The following ATP11A variants were observed in gnomAD, a reference collection of about 807,000 sequenced individuals.
ATP11A encodes phospholipid-transporting ATPase IH.
A neutral mutation model predicts 154.4 loss-of-function variants in ATP11A; 81 were observed. The ratio of observed to expected loss-of-function variants is 0.52; its 90% CI spans 0.44 to 0.63. The LOEUF is 0.63. Ranked by LOEUF, ATP11A falls within the 30% of genes least tolerant of loss-of-function variation. The pLI is 0.00. For missense variants in ATP11A, 1,316 were observed against 1,474.3 expected, an observed-to-expected ratio of 0.89 and a Z score of 1.76; for synonymous variants, 623 against 585.9, an observed-to-expected ratio of 1.06 and a Z score of -0.91.
chr13:112,851,319 A>G lies in ATP11A; in HGVS notation c.1991+101A>G, dbSNP rs2140324557. On this transcript the variant is annotated intron_variant, in intron 18 of 29. Coordinates refer to ENST00000375645, the MANE Select transcript of ATP11A (RefSeq NM_015205.3). ...AGTGGACGGGAGGGAGGCCATCCGCACAGCCGACGGGGCGTGTTTGCTGCT... is the reference window on the plus strand; with the variant it reads ...AGTGGACGGGAGGGAGGCCATCCGCGCAGCCGACGGGGCGTGTTTGCTGCT... 4.2e-6 allele frequency: 5 copies of G among 1,195,852 alleles called. No homozygotes were observed. In the South Asian group the frequency reaches 7.1e-5, roughly 17 times the overall value. 74.1% of individuals were successfully genotyped at this position (1,195,852 alleles called of 1,614,324 possible).
chr13:112,860,497 G>GCAGACCT, intron 24 of ATP11A, 83 bp downstream of exon 24: 1 of 1,552,162 alleles, frequency 6.4e-7, no homozygotes, highest in Admixed American at 1.7e-5. Context: ...TAGCCACCTG[G>GCAGACCT]CAGACCTCAG....
At chr13:112,866,604 G>A (rs1277632232) in intron 25 of ATP11A, among the ~76,000 whole-genome samples, 2 of 60,724 alleles carry the variant, frequency 3.3e-5, no homozygotes, top group Non-Finnish European at 7.8e-5. Flanking sequence ...AGACACCAGC[G>A]CTGACCTCGG....
chr13:112,849,297 C>A (rs958966445), intron 17 of ATP11A, among the ~76,000 whole-genome samples: 10 of 152,158 alleles, frequency 6.6e-5, no homozygotes, highest in African/African-American at 2.4e-4. Flanking sequence ...CTACAGTTTT[C>A]TTGTAGGGTA....
chr13:112,756,926 C>T (rs1333929949), intron 1 of ATP11A, among the ~76,000 whole-genome samples: 1 of 149,122 alleles, frequency 6.7e-6, no homozygotes, highest in Admixed American at 6.7e-5. Context: ...CTAACGCATC[C>T]ACTACATCTA....
In ATP11A at chr13:112,882,716, C is replaced by G. The variant is rs2080912913; in HGVS notation, c.*850C>G. The G allele has an allele frequency of 2.5e-6, 1 of 400,098 alleles. No individual in the cohort carries two copies. Among genetic ancestry groups the G allele is most frequent in the Non-Finnish European group, 4.4e-6 (1 of 227,246 alleles). The allele number at this position is 400,098 out of a possible 1,614,324, so 24.8% of individuals were successfully genotyped here. On this transcript the variant is annotated 3_prime_UTR_variant, in exon 30 of 30. Coordinates refer to ENST00000375645, the MANE Select transcript of ATP11A (RefSeq NM_015205.3). The surrounding 1 kb of genome is among the most constrained non-coding windows in gnomAD (Gnocchi z 5.1). ...GCTTCCAGCCCTGCCGCAGAAGTGC[C>G]AGGATGTCCATCAGCCACTCGCCAG...
intron 1 of ATP11A, among the ~76,000 whole-genome samples, chr13:112,722,408 G>A (rs1889309374): frequency 6.6e-6 from 1 of 152,174 alleles, no homozygotes; most frequent in South Asian, 2.1e-4. Flanking sequence ...AGAAAGGAAT[G>A]TCTGGGTTGG....
chr13:112,826,703 G>T lies in ATP11A; in HGVS notation c.1033G>T (p.Ala345Ser), dbSNP rs1428456350. The T allele has an allele frequency of 6.2e-7, 1 of 1,614,054 alleles. No homozygotes were observed. The highest frequency in any genetic ancestry group is 8.5e-7 in the Non-Finnish European group (1 of 1,180,046). Residue 345 changes from alanine to serine, a missense_variant, in exon 12 of 30, where the codon GCA becomes TCA. Ala to Ser is a moderately conservative substitution (Grantham distance 99, BLOSUM62 1). This residue lies in a region of ATP11A where 876 missense variants were observed against 1,006.8 expected (regional missense o/e 0.87). Coordinates refer to ENST00000375645, the MANE Select transcript of ATP11A (RefSeq NM_015205.3). ...SERQRNLFLK[A>S]FTDFLAFMVL... ...CCTTCTGCTCTTGCAGTTCCTCAAG[G>T]CATTCACGGACTTCCTGGCCTTCAT...
chr13:112,744,140 T>G (rs1234562276), intron 1 of ATP11A, among the ~76,000 whole-genome samples: 2 of 152,178 alleles, frequency 1.3e-5, no homozygotes, highest in African/African-American at 4.8e-5. Context: ...GTCAAGAAAG[T>G]TAAAACAAGA....
At chr13:112,725,254 G>A (rs899337964) in intron 1 of ATP11A, among the ~76,000 whole-genome samples, 17 of 152,310 alleles carry the variant, frequency 1.1e-4, no homozygotes, top group African/African-American at 3.6e-4. Flanking sequence ...GATACGATGT[G>A]GACCTCCCAT....
chr13:112,785,369 GC>G lies in ATP11A; in HGVS notation c.162+114del. 8.2e-7 allele frequency: 1 copy of G among 1,217,094 alleles called. No individual in the cohort carries two copies. Among genetic ancestry groups the G allele is most frequent in the East Asian group, 2.9e-5 (1 of 33,916 alleles). The allele number at this position is 1,217,094 out of a possible 1,614,324, so 75.4% of individuals were successfully genotyped here. A position where few individuals can be genotyped will look rare whatever the true frequency, so the allele number is the denominator to read the frequency against. On this transcript the variant is annotated intron_variant, in intron 2 of 29. Transcript: ENST00000375645. This position sits in a 1 kb window ranked among gnomAD's most constrained non-coding sequence, Gnocchi z 4.8. ...CTCTGCTCCTGGCCCTGCTGTCACAGCCACCAGCCACCCCCAGCAAGGGCTT... is the reference window on the plus strand; with the variant it reads ...CTCTGCTCCTGGCCCTGCTGTCACAGCACCAGCCACCCCCAGCAAGGGCTT...
Position 112,882,305 on chromosome 13 carries a change from C to A in ATP11A, c.*439C>A. On this transcript the variant is annotated 3_prime_UTR_variant, in exon 30 of 30. Coordinates refer to ENST00000375645, the MANE Select transcript of ATP11A (RefSeq NM_015205.3). The surrounding 1 kb of genome is among the most constrained non-coding windows in gnomAD (Gnocchi z 5.1). ...ATTCCCCCAGGCCTGTGTCTTCACC[C>A]ACCTGCCATCATTGGCCTTTGCTGT... 2.4e-6 allele frequency: 1 copy of A among 409,146 alleles called. No homozygotes were observed. The highest frequency in any genetic ancestry group is 4.4e-6 in the Non-Finnish European group (1 of 229,320). 25.3% of individuals were successfully genotyped at this position (409,146 alleles called of 1,614,324 possible).
chr13:112,758,136 A>G (rs544287765), intron 1 of ATP11A, among the ~76,000 whole-genome samples: 1 of 152,174 alleles, frequency 6.6e-6, no homozygotes, highest in East Asian at 1.9e-4. Flanking sequence ...ATCTCGGCTC[A>G]TTGCAACCTA....
At position 112,857,824 on chromosome 13, in the gene ATP11A, AAATT is replaced by A. The variant is rs1412027144; in HGVS notation, c.2429_2432del (p.Leu810SerfsTer11). On this transcript the variant is annotated frameshift_variant, in exon 21 of 30. Coordinates refer to ENST00000375645, the MANE Select transcript of ATP11A (RefSeq NM_015205.3). LOFTEE classifies it high-confidence loss of function. ...GCATTTCTTTCTTTTGCAGATTGTT[AAATT>A]AATCAAATTTTCAAAAGAGCACCCA... 1 of 1,612,860 alleles carries A rather than the reference AAATT, an allele frequency of 6.2e-7. No homozygotes were observed. The highest frequency in any genetic ancestry group is 8.5e-7 in the Non-Finnish European group (1 of 1,178,920).
intron 12 of ATP11A, among the ~76,000 whole-genome samples, chr13:112,830,622 T>C (rs1441408729): frequency 6.6e-6 from 1 of 152,190 alleles, no homozygotes; most frequent in East Asian, 1.9e-4. Flanking sequence ...TGAAAAGCGT[T>C]TATTCTAAGT....
intron 1 of ATP11A, among the ~76,000 whole-genome samples, chr13:112,780,867 C>T (rs1166856438): frequency 6.6e-6 from 1 of 152,100 alleles, no homozygotes; most frequent in Non-Finnish European, 1.5e-5. Context: ...GTGGGTTCTG[C>T]TGCGAGGAGT....
At chr13:112,699,555 C>T (rs1012243966) in intron 1 of ATP11A, among the ~76,000 whole-genome samples, 1 of 152,172 alleles carries the variant, frequency 6.6e-6, no homozygotes, top group African/African-American at 2.4e-5. Flanking sequence ...AACTCTGCAC[C>T]GTATAGTGTG....
intron 1 of ATP11A, among the ~76,000 whole-genome samples, chr13:112,736,774 A>G (rs534919527): frequency 6.6e-6 from 1 of 152,204 alleles, no homozygotes; most frequent in Admixed American, 6.5e-5. Context: ...TTACATTGAG[A>G]CTAAAATTAA....
intron 22 of ATP11A, chr13:112,858,564 C>A: frequency 3.2e-6 from 1 of 316,534 alleles, no homozygotes; most frequent in Non-Finnish European, 5.9e-6. Flanking sequence ...AATTGCATGC[C>A]ATTCCGAGCA....
At chr13:112,865,265 C>G (rs1323010856) in intron 25 of ATP11A, among the ~76,000 whole-genome samples, 22 of 89,856 alleles carry the variant, frequency 2.4e-4, no homozygotes, top group East Asian at 4.0e-4. Context: ...TTCAGTGCGG[C>G]CCATGCAGCT....
Sources: allele counts gnomAD v4.1 joint callset (sites outside exome capture counted in the v4.1 genomes callset), GRCh38; gene constraint gnomAD v4.1.1; regional missense constraint gnomAD v4.1.1; non-coding constraint Gnocchi (gnomAD v3.1); transcripts MANE v1.5; gene names NCBI Gene and HGNC (gene_info 2026-07-23, HGNC 2026-07-21).